SEPSECS: variants seen among roughly 807,000 people sequenced by gnomAD.
SEPSECS encodes the protein O-phosphoseryl-tRNA(Sec) selenium transferase.
A neutral mutation model predicts 52.1 loss-of-function variants in SEPSECS; 42 were observed. The observed-to-expected ratio is 0.81, with a 90% CI of 0.63 to 1.04. The LOEUF (loss-of-function observed/expected upper bound fraction) is 1.04. SEPSECS is among the 50% of genes least tolerant of loss of function. The pLI is 0.00. For synonymous variants in SEPSECS, 216 were observed against 211.4 expected (o/e 1.02, Z -0.19); for missense variants, 590 against 610.6 (o/e 0.97, Z 0.36).
rs777079103 is a variant in SEPSECS at position 25,156,915 on chromosome 4, C to A, written c.329G>T (p.Gly110Val). 6.2e-7 allele frequency: 1 copy of A among 1,613,618 alleles called. No homozygotes were observed. Among genetic ancestry groups the A allele is most frequent in the East Asian group, 2.2e-5 (1 of 44,866 alleles). ...DISAVQPKAA[G>V]SSLLNKITNS... ...GGTAATTTTGTTCAAAAGGCTAGAGCCTGCAGCTTTTGGTTGCACAGCAGA... is the reference window on the plus strand; with the variant it reads ...GGTAATTTTGTTCAAAAGGCTAGAGACTGCAGCTTTTGGTTGCACAGCAGA... The change falls in exon 3 of 11, where the codon GGC becomes GTC. Residue 110 changes from glycine to valine, a missense_variant. Transcript: ENST00000382103.
At chr4:25,154,720 C>G (rs1487132193) in intron 5 of SEPSECS, among the ~76,000 whole-genome samples, 2 of 151,952 alleles carry the variant, frequency 1.3e-5, no homozygotes, top group Non-Finnish European at 2.9e-5. Context: ...GCTAAGAGAT[C>G]AGAAACAGGA....
Position 25,160,275 on chromosome 4 carries a change from A to T in SEPSECS, c.95T>A (p.Ile32Lys), listed in dbSNP as rs1323473750. The change falls in exon 1 of 11, where the codon ATA (isoleucine) becomes AAA (lysine). Residue 32 changes from isoleucine to lysine, a missense_variant. Coordinates refer to ENST00000382103, the MANE Select transcript of SEPSECS (RefSeq NM_016955.4). ...CEARRSHEHL[I>K]RLLLEKGKCP... is the part of the protein sequence containing the mutation. ...CGGTACCTTCTCCAGAAGCAGCCGT[A>T]TGAGGTGCTCATGCGAGCGGCGGGC... The T allele has an allele frequency of 6.4e-7, 1 of 1,556,974 alleles. No individual in the cohort carries two copies. The highest frequency in any genetic ancestry group is 8.7e-7 in the Non-Finnish European group (1 of 1,149,668).
At chr4:25,132,011 C>T (rs1430545793) in intron 8 of SEPSECS, among the ~76,000 whole-genome samples, 2 of 152,116 alleles carry the variant, frequency 1.3e-5, no homozygotes, top group Non-Finnish European at 2.9e-5. Flanking sequence ...GGGTTAAATT[C>T]ATGGTTATTT....
intron 6 of SEPSECS, among the ~76,000 whole-genome samples, chr4:25,149,487 CTA>C (rs2109026610): frequency 6.6e-6 from 1 of 151,870 alleles, no homozygotes; most frequent in Non-Finnish European, 1.5e-5. Flanking sequence ...AAATATAACA[CTA>C]AAAAAATTAA....
chr4:25,136,991 C>T (rs1349927959), intron 8 of SEPSECS, among the ~76,000 whole-genome samples: 2 of 152,140 alleles, frequency 1.3e-5, no homozygotes, highest in African/African-American at 4.8e-5. Flanking sequence ...ATAAATGGTG[C>T]TGGGAAAACT....
In SEPSECS at chr4:25,160,221, C is replaced by A; in HGVS notation, c.114+35G>T. 1.9e-6 allele frequency: 3 copies of A among 1,548,076 alleles called. No homozygotes were observed. In the South Asian group the frequency reaches 3.6e-5, roughly 18 times the overall value. ...CCCGGCGGAGCCAGAGCCCCGGGGT[C>A]GCGGCGGCTGGGGAGGGGACCGACA... is the stretch of plus-strand genomic sequence containing the variant. On this transcript the variant is annotated intron_variant, in intron 1 of 10. Coordinates refer to ENST00000382103, the MANE Select transcript of SEPSECS (RefSeq NM_016955.4).
intron 8 of SEPSECS, among the ~76,000 whole-genome samples, chr4:25,143,573 C>T (rs1175193470): frequency 1.3e-5 from 2 of 152,086 alleles, no homozygotes; most frequent in Non-Finnish European, 2.9e-5. Flanking sequence ...ATTTGCATTT[C>T]CCTAATTACT....
At chr4:25,155,900 A>G in intron 4 of SEPSECS, 137 bp downstream of exon 4, 2 of 745,556 alleles carry the variant, frequency 2.7e-6, no homozygotes, top group Non-Finnish European at 4.4e-6. Context: ...ATTTTGTTAC[A>G]TATATTTTAC....
At position 25,123,881 on chromosome 4, in the gene SEPSECS, C is replaced by T; in HGVS notation, c.*50G>A. On this transcript the variant is annotated 3_prime_UTR_variant, in exon 11 of 11. Coordinates refer to ENST00000382103, the MANE Select transcript of SEPSECS (RefSeq NM_016955.4). ...CTTATCTTTAAACTGCTTGCTTGTA[C>T]TACAGCCTTATCATTTCTTTCAAAT... 2.0e-6 allele frequency: 3 copies of T among 1,478,164 alleles called. No individual in the cohort carries two copies. Among genetic ancestry groups the T allele is most frequent in the African/African-American group, 1.4e-5 (1 of 72,184 alleles). The allele number at this position is 1,478,164 out of a possible 1,614,324, so 91.6% of individuals were successfully genotyped here.
chr4:25,135,032 A>T (rs1400236418), intron 8 of SEPSECS, among the ~76,000 whole-genome samples: 1 of 152,202 alleles, frequency 6.6e-6, no homozygotes, highest in Non-Finnish European at 1.5e-5. Context: ...GAGATAACAT[A>T]CTGGAATCTC....
chr4:25,146,106 T>C (rs1194711210), intron 6 of SEPSECS, among the ~76,000 whole-genome samples: 2 of 152,248 alleles, frequency 1.3e-5, no homozygotes, highest in Admixed American at 6.5e-5. Flanking sequence ...CTCTTAAAAA[T>C]AGAGATACTG....
At chr4:25,142,329 A>G (rs1454652179) in intron 8 of SEPSECS, among the ~76,000 whole-genome samples, 2 of 151,914 alleles carry the variant, frequency 1.3e-5, no homozygotes, top group Non-Finnish European at 2.9e-5. Flanking sequence ...CTATATTTAA[A>G]AATCAGTTCC....
rs529109655 is a variant in SEPSECS, at chr4:25,150,700, A to G, written c.804+1260T>C. ...CAATGAACATGGTAAAAAAGCAAAAAGAAGGATAGAAAATGCTAGCAAGGG... is the reference window on the plus strand; with the variant it reads ...CAATGAACATGGTAAAAAAGCAAAAGGAAGGATAGAAAATGCTAGCAAGGG... On this transcript the variant is annotated intron_variant, in intron 6 of 10. Transcript: ENST00000382103. Among the ~76,000 whole-genome samples, 18 of 152,282 alleles carry G rather than the reference A, an allele frequency of 1.2e-4. 2 individuals are homozygous for G. In the South Asian group the frequency reaches 3.3e-3, roughly 28 times the overall value.
Position 25,120,962 on chromosome 4 carries a change from T to C in SEPSECS, c.*2969A>G, listed in dbSNP as rs904452696. On this transcript the variant is annotated 3_prime_UTR_variant, in exon 11 of 11. Coordinates refer to ENST00000382103, the MANE Select transcript of SEPSECS (RefSeq NM_016955.4). ...GTAGCCCAGTCCTCAATAACAGTTC[T>C]TATTATGAGGTGGTTAAAGACACAG... is the stretch of plus-strand genomic sequence containing the variant. The C allele has an allele frequency of 5.9e-5, 9 of 152,148 alleles. No individual in the cohort carries two copies. The highest frequency in any genetic ancestry group is 2.2e-4 in the African/African-American group (9 of 41,458). 9.4% of individuals were successfully genotyped at this position (152,148 alleles called of 1,614,324 possible).
At chr4:25,150,387 A>C (rs1028586040) in intron 6 of SEPSECS, among the ~76,000 whole-genome samples, 3 of 152,202 alleles carry the variant, frequency 2.0e-5, no homozygotes, top group Non-Finnish European at 4.4e-5. Context: ...TTAATTGTCC[A>C]TTACGTACCA....
chr4:25,151,142 T>C (rs1712273922), intron 6 of SEPSECS, among the ~76,000 whole-genome samples: 2 of 152,232 alleles, frequency 1.3e-5, no homozygotes, highest in South Asian at 4.1e-4. Flanking sequence ...CAATATTTCA[T>C]TTATTCACTC....
intron 6 of SEPSECS, among the ~76,000 whole-genome samples, chr4:25,145,763 A>G (rs1711926601): frequency 6.6e-6 from 1 of 152,194 alleles, no homozygotes; most frequent in South Asian, 2.1e-4. Flanking sequence ...CCGAGTTGCC[A>G]AACAGTTAAT....
chr4:25,159,446 G>A (rs1032024022), intron 1 of SEPSECS: 2 of 343,456 alleles, frequency 5.8e-6, no homozygotes, highest in Non-Finnish European at 1.1e-5. Flanking sequence ...GCGGTGGGAC[G>A]TGGAGAAGGG....
chr4:25,152,265 A>C (rs977150842), intron 5 of SEPSECS, among the ~76,000 whole-genome samples: 1 of 152,072 alleles, frequency 6.6e-6, no homozygotes, highest in African/African-American at 2.4e-5. Flanking sequence ...GAATAAACCT[A>C]AAAAGGCTTT....
Sources: gnomAD v4.1 joint callset for allele counts (sites outside exome capture counted in the v4.1 genomes callset) on GRCh38, gnomAD v4.1.1 for gene constraint, MANE v1.5 for transcripts, NCBI Gene and HGNC (gene_info 2026-07-23, HGNC 2026-07-21) for gene names.